CRY1: variants seen among roughly 807,000 people sequenced by gnomAD.
CRY1 encodes the protein cryptochrome-1.
In CRY1, 45 loss-of-function variants were observed where a neutral mutation model predicts 76.0. That is an observed-to-expected ratio of 0.59 (90% confidence interval 0.47 to 0.76). CRY1 has a LOEUF of 0.76. Ranked by LOEUF, CRY1 falls within the 30% of genes least tolerant of loss-of-function variation. The pLI is 0.00. For synonymous variants in CRY1, 248 were observed against 244.0 expected, an observed-to-expected ratio of 1.02 and a Z score of -0.15; for missense variants, 587 against 716.4, an observed-to-expected ratio of 0.82 and a Z score of 2.06.
intron 1 of CRY1, among the ~76,000 whole-genome samples, chr12:107,053,323 A>AT (rs992076079): frequency 1.6e-4 from 24 of 150,122 alleles, no homozygotes; most frequent in South Asian, 4.2e-4. Context: ...GTACAAATGT[A>AT]TTTTTTTTTT....
chr12:107,052,811 G>A (rs1026292097), intron 1 of CRY1, among the ~76,000 whole-genome samples: 1 of 152,236 alleles, frequency 6.6e-6, no homozygotes, highest in African/African-American at 2.4e-5. Flanking sequence ...GAGTGAAAGA[G>A]TGGCAAGAGA....
chr12:107,080,664 A>G (rs1953311354), intron 1 of CRY1, among the ~76,000 whole-genome samples: 1 of 151,696 alleles, frequency 6.6e-6, no homozygotes. Context: ...AAAAATAAAA[A>G]AGAAAAAAAG....
At chr12:107,017,862 T>C (rs1952513690) in intron 2 of CRY1, among the ~76,000 whole-genome samples, 1 of 152,222 alleles carries the variant, frequency 6.6e-6, no homozygotes, top group Non-Finnish European at 1.5e-5. Context: ...GAGGCCTTCT[T>C]TGATTCCATA....
At chr12:107,007,156 T>A (rs1287656816) in intron 2 of CRY1, among the ~76,000 whole-genome samples, 2 of 152,206 alleles carry the variant, frequency 1.3e-5, no homozygotes, top group Non-Finnish European at 2.9e-5. Context: ...TTTTGAAATT[T>A]AAAAATAAAA....
At chr12:107,013,097 G>GGTTT (rs1231630648) in intron 2 of CRY1, among the ~76,000 whole-genome samples, 5 of 152,176 alleles carry the variant, frequency 3.3e-5, no homozygotes, top group Admixed American at 2.0e-4. Flanking sequence ...GCAGTGGCAG[G>GGTTT]GTTTGAGAGG....
At chr12:107,014,486 G>C (rs1316198025) in intron 2 of CRY1, among the ~76,000 whole-genome samples, 1 of 152,014 alleles carries the variant, frequency 6.6e-6, no homozygotes, top group Non-Finnish European at 1.5e-5. Context: ...AAGAAGGGTG[G>C]GTTTGGCACT....
chr12:107,005,318 G>A, intron 2 of CRY1, 70 bp from the exon 3 acceptor site: 4 of 1,447,256 alleles, frequency 2.8e-6, no homozygotes, highest in Non-Finnish European at 2.8e-6. Flanking sequence ...AACGAAAAGT[G>A]AAAAAGCTGA....
chr12:107,061,565 A>G (rs1953047949), intron 1 of CRY1, among the ~76,000 whole-genome samples: 1 of 151,900 alleles, frequency 6.6e-6, no homozygotes, highest in Non-Finnish European at 1.5e-5. Flanking sequence ...TCTTTTTAGT[A>G]GAGATGGGGT....
intron 1 of CRY1, among the ~76,000 whole-genome samples, chr12:107,044,856 C>T (rs1882209): frequency 0.69 from 105,628 of 152,010 alleles, 37,512 homozygotes; most frequent in East Asian, 0.97. Flanking sequence ...TGAAAAAGAA[C>T]GAAGAAAGCC....
intron 1 of CRY1, among the ~76,000 whole-genome samples, chr12:107,092,520 A>G (rs1191677103): frequency 6.6e-6 from 1 of 152,168 alleles, no homozygotes; most frequent in African/African-American, 2.4e-5. Flanking sequence ...TGTTTCTTTA[A>G]CTCCAGCACT....
At chr12:107,046,986 CAAAGAAA>C (rs1306148741) in intron 1 of CRY1, among the ~76,000 whole-genome samples, 20 of 152,214 alleles carry the variant, frequency 1.3e-4, no homozygotes, top group Non-Finnish European at 2.5e-4. Context: ...AGAAAATCAA[CAAAGAAA>C]CACTGGACTT....
chr12:107,080,872 A>G (rs74869758), intron 1 of CRY1, among the ~76,000 whole-genome samples: 2,209 of 152,198 alleles, frequency 0.015, 64 homozygotes, highest in African/African-American at 0.051. Context: ...ACATAGTTGC[A>G]GGAGTGGAAC....
chr12:107,057,598 G>GT (rs771411659), intron 1 of CRY1, among the ~76,000 whole-genome samples: 15 of 152,150 alleles, frequency 9.9e-5, no homozygotes, highest in Admixed American at 2.0e-4. Context: ...GGGCGTGGTG[G>GT]TATGTGCCTG....
Position 106,999,548 on chromosome 12 carries a change from TA to T in CRY1, c.1137+2del. 1 of 1,607,184 alleles carries T rather than the reference TA, an allele frequency of 6.2e-7. No individual in the cohort carries two copies. The highest frequency in any genetic ancestry group is 8.5e-7 in the Non-Finnish European group (1 of 1,176,860). ...GGCATGCTATATCAGTTAGAACACT[TA>T]CCTTCATTCCTTCTTCCCAACTAAT... On this transcript the variant is annotated splice_donor_variant, in intron 7 of 12. Transcript: ENST00000008527. LOFTEE classifies it high-confidence loss of function.
chr12:107,030,526 T>C (rs1952663155), intron 1 of CRY1, among the ~76,000 whole-genome samples: 1 of 152,200 alleles, frequency 6.6e-6, no homozygotes, highest in Non-Finnish European at 1.5e-5. Context: ...AGCTGAGGAA[T>C]AGGCGTGTGT....
chr12:107,001,358 T>C lies in CRY1; in HGVS notation c.606A>G (p.Thr202=). The C allele has an allele frequency of 6.2e-7, 1 of 1,610,398 alleles. No homozygotes were observed. The highest frequency in any genetic ancestry group is 1.3e-5 in the African/African-American group (1 of 74,846). The change falls in exon 5 of 13, where the codon ACA becomes ACG. Residue 202 remains threonine (T), a synonymous_variant. Coordinates refer to ENST00000008527, the MANE Select transcript of CRY1 (RefSeq NM_004075.5). ...GCCACACTGCAGAGGATAAGCCATC[T>C]GTATCAAAACCTACAAGAAAGAAAA... ...VPSLEELGFD[T]DGLSSAVWPG...
chr12:107,066,783 T>C (rs1040317952), intron 1 of CRY1, among the ~76,000 whole-genome samples: 2 of 151,916 alleles, frequency 1.3e-5, no homozygotes, highest in Non-Finnish European at 2.9e-5. Flanking sequence ...TTTGTTGTTG[T>C]TGCTGTTGTT....
rs773289655 is a variant in CRY1, at chr12:106,997,568, A to C, written c.1412T>G (p.Val471Gly). 1.2e-6 allele frequency: 2 copies of C among 1,614,092 alleles called. No individual in the cohort carries two copies. The highest frequency in any genetic ancestry group is 1.7e-6 in the Non-Finnish European group (2 of 1,179,988). ...CAAACGGCTTGCCTCAGCATGGTTC[A>C]CCATTGGTTTAGGATAATTAACTCC... is the stretch of plus-strand genomic sequence containing the variant. ...LIGVNYPKPM[V>G]NHAEASRLNI... Residue 471 changes from valine (V) to glycine (G), a missense_variant, in exon 9 of 13, where the codon GTG becomes GGG. Val to Gly is a moderately radical substitution (Grantham distance 109). Transcript: ENST00000008527.
At chr12:107,062,087 T>G (rs1046164339) in intron 1 of CRY1, among the ~76,000 whole-genome samples, 1 of 150,760 alleles carries the variant, frequency 6.6e-6, no homozygotes, top group African/African-American at 2.4e-5. Context: ...TATTATCTTA[T>G]CCTCAACATT....
Sources: allele counts gnomAD v4.1 joint callset (sites outside exome capture counted in the v4.1 genomes callset), GRCh38; gene constraint gnomAD v4.1.1; transcripts MANE v1.5; gene names NCBI Gene and HGNC (gene_info 2026-07-23, HGNC 2026-07-21).